DLG2: variants seen among roughly 807,000 people sequenced by gnomAD.
DLG2 encodes the protein disks large homolog 2.
A neutral mutation model predicts 132.5 loss-of-function variants in DLG2; 45 were observed. The observed-to-expected ratio is 0.34, with a 90% CI of 0.27 to 0.44. DLG2 has a LOEUF of 0.44. Among genes scored for constraint, DLG2 ranks in the 20% least tolerant of loss-of-function variants. The pLI is 1.00. For synonymous variants in DLG2, 424 were observed against 419.6 expected (o/e 1.01, Z -0.13); for missense variants, 1,045 against 1,196.9 (o/e 0.87, Z 1.87).
intron 6 of DLG2, among the ~76,000 whole-genome samples, chr11:84,842,407 C>T (rs6592208): frequency 0.51 from 77,636 of 151,634 alleles, 21,042 homozygotes; most frequent in African/African-American, 0.68. Context: ...ATTTAACTTA[C>T]CTCCTAAATG....
intron 17 of DLG2, among the ~76,000 whole-genome samples, chr11:83,793,646 T>TC (rs2042109281): frequency 6.6e-6 from 1 of 152,184 alleles, no homozygotes; most frequent in African/African-American, 2.4e-5. Flanking sequence ...CTACCTAGGT[T>TC]TCCTAGGTAA....
chr11:84,853,546 T>C (rs1165009981), intron 6 of DLG2, among the ~76,000 whole-genome samples: 1 of 152,018 alleles, frequency 6.6e-6, no homozygotes, highest in East Asian at 1.9e-4. Context: ...GTTTATCTGT[T>C]CTCTCATGTA....
intron 17 of DLG2, among the ~76,000 whole-genome samples, chr11:83,806,207 A>G (rs1329517581): frequency 6.6e-6 from 1 of 152,142 alleles, no homozygotes; most frequent in Admixed American, 6.6e-5. Context: ...ACCTGGCAGC[A>G]TTACATGAAT....
chr11:84,168,801 C>A (rs1551334), intron 8 of DLG2, among the ~76,000 whole-genome samples: 110,599 of 151,198 alleles, frequency 0.73, 42,194 homozygotes, highest in Middle Eastern at 0.88. Context: ...TCAAATGCCA[C>A]AGCAAATCAA....
At chr11:84,037,241 C>A (rs1261344900) in intron 11 of DLG2, among the ~76,000 whole-genome samples, 1 of 152,062 alleles carries the variant, frequency 6.6e-6, no homozygotes, top group Non-Finnish European at 1.5e-5. Flanking sequence ...GAGAAAGATA[C>A]TTCTGAAAAT....
At chr11:85,485,241 T>C (rs940273760) in intron 3 of DLG2, among the ~76,000 whole-genome samples, 2 of 152,036 alleles carry the variant, frequency 1.3e-5, no homozygotes, top group African/African-American at 4.8e-5. Context: ...TTGGGAGATA[T>C]ACCTAATGCT....
At chr11:85,505,732 A>G (rs1396675108) in intron 3 of DLG2, among the ~76,000 whole-genome samples, 2 of 152,214 alleles carry the variant, frequency 1.3e-5, no homozygotes, top group African/African-American at 4.8e-5. Context: ...TGCTGGCCTC[A>G]TGAAATGAGT....
intron 6 of DLG2, among the ~76,000 whole-genome samples, chr11:84,554,014 C>T (rs1287229411): frequency 6.6e-6 from 1 of 152,162 alleles, no homozygotes; most frequent in Non-Finnish European, 1.5e-5. Flanking sequence ...AGAGTTAGTG[C>T]ACATTCTCTA....
intron 18 of DLG2, among the ~76,000 whole-genome samples, chr11:83,729,723 A>C (rs1304642335): frequency 6.6e-6 from 1 of 152,222 alleles, no homozygotes; most frequent in Non-Finnish European, 1.5e-5. Context: ...AATTCAGTGG[A>C]GATTCTATAC....
At chr11:84,350,185 A>T (rs57666332) in intron 7 of DLG2, among the ~76,000 whole-genome samples, 1 of 110,026 alleles carries the variant, frequency 9.1e-6, no homozygotes, top group East Asian at 3.3e-4. Context: ...CCCCCCCCCC[A>T]AAAAAAAAAA....
intron 2 of DLG2, among the ~76,000 whole-genome samples, chr11:85,616,577 C>A (rs2081353154): frequency 6.6e-6 from 1 of 152,114 alleles, no homozygotes; most frequent in African/African-American, 2.4e-5. Context: ...TTCAGTAATT[C>A]CAGTTTTGCT....
intron 3 of DLG2, among the ~76,000 whole-genome samples, chr11:85,353,993 A>C (rs1022557184): frequency 1.3e-5 from 2 of 151,868 alleles, no homozygotes; most frequent in Non-Finnish European, 2.9e-5. Flanking sequence ...ATAATTAAAA[A>C]AAAAAGAAAT....
chr11:85,555,038 G>T (rs1305149912), intron 3 of DLG2, among the ~76,000 whole-genome samples: 1 of 151,756 alleles, frequency 6.6e-6, no homozygotes, highest in Non-Finnish European at 1.5e-5. Flanking sequence ...AGCCTCTGGG[G>T]AGATGGAGTT....
chr11:85,253,228 T>C (rs2076487144), intron 4 of DLG2, among the ~76,000 whole-genome samples: 1 of 152,196 alleles, frequency 6.6e-6, no homozygotes, highest in Non-Finnish European at 1.5e-5. Context: ...ATGGACAGGT[T>C]GACCCAAAAA....
rs1390891794 is a variant in DLG2, at chr11:84,704,785, G to A, written c.358-170054C>T. 2.7e-5 allele frequency among the ~76,000 whole-genome samples: 4 copies of A among 150,804 alleles called. No individual in the cohort carries two copies. The Admixed American group carries it at 2.7e-4, about 10-fold the overall frequency. On this transcript the variant is annotated intron_variant, in intron 6 of 27. Transcript: ENST00000376104. ...AAAGCACTGACATTTCCCACTTCTT[G>A]ATTGGTTCTTCTAGACAGAAACCCT...
intron 3 of DLG2, among the ~76,000 whole-genome samples, chr11:85,436,946 T>C (rs548745688): frequency 4.0e-4 from 61 of 152,272 alleles, no homozygotes; most frequent in African/African-American, 1.4e-3. Flanking sequence ...GTGGTACATA[T>C]ATATCATGGA....
At chr11:85,443,653 T>C (rs953620895) in intron 3 of DLG2, among the ~76,000 whole-genome samples, 1 of 152,248 alleles carries the variant, frequency 6.6e-6, no homozygotes, top group Non-Finnish European at 1.5e-5. Flanking sequence ...GAAAATCTCA[T>C]TGATGACATA....
intron 7 of DLG2, among the ~76,000 whole-genome samples, chr11:84,320,916 A>G (rs750397050): frequency 4.6e-5 from 7 of 152,222 alleles, no homozygotes; most frequent in Non-Finnish European, 8.8e-5. Flanking sequence ...ATGTAAATGT[A>G]TTATATTCTA....
intron 6 of DLG2, among the ~76,000 whole-genome samples, chr11:84,733,623 C>A (rs2153814640): frequency 6.6e-6 from 1 of 152,254 alleles, no homozygotes; most frequent in East Asian, 1.9e-4. Flanking sequence ...TTTTGCTGTG[C>A]AGAAGCTCTT....
Sources: allele counts gnomAD v4.1 joint callset (sites outside exome capture counted in the v4.1 genomes callset), GRCh38; gene constraint gnomAD v4.1.1; transcripts MANE v1.5; gene names NCBI Gene and HGNC (gene_info 2026-07-23, HGNC 2026-07-21).